The following NTM variants were observed in gnomAD, a reference collection of about 807,000 sequenced individuals.
NTM encodes IgLON family member 2.
Under a neutral mutation model 42.1 loss-of-function variants are expected in NTM, and 13 were observed. That is an observed-to-expected ratio of 0.31 (90% CI 0.20 to 0.49). The LOEUF is 0.49. Among genes scored for constraint, NTM ranks in the 20% least tolerant of loss-of-function variants. NTM has a pLI of 0.99. For missense variants in NTM, 373 were observed against 452.8 expected, an observed-to-expected ratio of 0.82 and a Z score of 1.60; for synonymous variants, 187 against 179.2, an observed-to-expected ratio of 1.04 and a Z score of -0.35.
chr11:131,968,034 A>G (rs1320931825), intron 2 of NTM, among the ~76,000 whole-genome samples: 1 of 152,172 alleles, frequency 6.6e-6, no homozygotes, highest in Non-Finnish European at 1.5e-5. Flanking sequence ...AATAACATAA[A>G]TAAATGCGAA....
At chr11:131,642,739 G>A (rs1345534156) in intron 1 of NTM, among the ~76,000 whole-genome samples, 1 of 152,154 alleles carries the variant, frequency 6.6e-6, no homozygotes, top group African/African-American at 2.4e-5. Flanking sequence ...GAAAGATGGT[G>A]TTGAGGAATC....
intron 1 of NTM, among the ~76,000 whole-genome samples, chr11:131,873,436 G>A (rs1162352146): frequency 6.6e-6 from 1 of 151,098 alleles, no homozygotes; most frequent in Non-Finnish European, 1.5e-5. Context: ...CTAGATGATG[G>A]GTTGATGGGT....
intron 1 of NTM, among the ~76,000 whole-genome samples, chr11:131,392,129 T>C (rs1214800666): frequency 6.6e-6 from 1 of 152,248 alleles, no homozygotes; most frequent in South Asian, 2.1e-4. Flanking sequence ...TCTTTTTTCC[T>C]AGTGGTCTAG....
rs138928545 is a variant in NTM at position 132,082,181 on chromosome 11, G to A, written c.168-64101G>A. Among the ~76,000 whole-genome samples, 15 of 152,118 alleles carry A rather than the reference G, an allele frequency of 9.9e-5. No homozygotes were observed. In the East Asian group the frequency reaches 2.5e-3, roughly 26 times the overall value. Reference sequence around the variant, plus strand: ...AATTGATGGTCCTGGGAATGATGCAGAATTTTCCCCCCTTTGTTCAGCTAA... The same window carrying A: ...AATTGATGGTCCTGGGAATGATGCAAAATTTTCCCCCCTTTGTTCAGCTAA... On this transcript the variant is annotated intron_variant, in intron 2 of 8. Transcript: ENST00000683400.
chr11:131,462,779 A>T lies in NTM; in HGVS notation c.82+91891A>T, dbSNP rs572719450. 3.3e-5 allele frequency among the ~76,000 whole-genome samples: 5 copies of T among 151,888 alleles called. No individual in the cohort carries two copies. In the South Asian group the frequency reaches 1.0e-3, roughly 32 times the overall value. ...ACTGCCTTCTCCCTAGAGCGGGCCC[A>T]CCTAGGGTGGTCCACCACCTTCTCC... On this transcript the variant is annotated intron_variant, in intron 1 of 8. Transcript: ENST00000683400.
At chr11:131,524,983 G>C (rs1292480933) in intron 1 of NTM, among the ~76,000 whole-genome samples, 1 of 152,126 alleles carries the variant, frequency 6.6e-6, no homozygotes, top group African/African-American at 2.4e-5. Flanking sequence ...AGGAAACCTG[G>C]TACAGGGGAT....
chr11:131,433,170 C>T (rs1183731183), intron 1 of NTM, among the ~76,000 whole-genome samples: 1 of 152,026 alleles, frequency 6.6e-6, no homozygotes, highest in Non-Finnish European at 1.5e-5. Flanking sequence ...CATTCTTAAA[C>T]CTGTCCCATC....
intron 4 of NTM, among the ~76,000 whole-genome samples, chr11:132,246,278 C>T (rs911529260): frequency 6.6e-6 from 1 of 152,208 alleles, no homozygotes; most frequent in Admixed American, 6.5e-5. Context: ...AATGCCTGTG[C>T]GCGTGCGTGT....
rs1292622549 is a variant in NTM at position 131,598,881 on chromosome 11, TTCCTTCCTTCCTTCCTTCCTTC to T, written c.82+227994_82+228015del. ...CCTTCCTTCCTTCCTTCCTTCTTCC[TTCCTTCCTTCCTTCCTTCCTTC>T]CTTCCTTCCTTCCTTCCTTCTTTCC... On this transcript the variant is annotated intron_variant, in intron 1 of 8. Transcript: ENST00000683400. Among the ~76,000 whole-genome samples the T allele has an allele frequency of 5.0e-4, 17 of 33,822 alleles. 1 individual carries two copies. Among genetic ancestry groups the T allele is most frequent in the African/African-American group, 1.4e-3 (16 of 11,594 alleles). The allele number at this position is 33,822 out of a possible 152,430, so 22.2% of individuals were successfully genotyped here. A position where few individuals can be genotyped will look rare whatever the true frequency, so the allele number is the denominator to read the frequency against.
intron 1 of NTM, among the ~76,000 whole-genome samples, chr11:131,418,351 A>T (rs558089380): frequency 5.7e-4 from 87 of 152,352 alleles, no homozygotes; most frequent in Admixed American, 9.1e-4. Context: ...CTTTATCGGC[A>T]TGTCTGCATT....
At chr11:132,026,804 T>C (rs1466987059) in intron 2 of NTM, among the ~76,000 whole-genome samples, 1 of 152,178 alleles carries the variant, frequency 6.6e-6, no homozygotes, top group African/African-American at 2.4e-5. Flanking sequence ...GGGAACGGTA[T>C]TGAGGATTGT....
intron 1 of NTM, among the ~76,000 whole-genome samples, chr11:131,602,473 C>CTTCTG (rs2060572673): frequency 6.6e-6 from 1 of 152,336 alleles, no homozygotes; most frequent in African/African-American, 2.4e-5. Flanking sequence ...ACTGGTTGTA[C>CTTCTG]TTAATATTCA....
chr11:132,276,169 G>A (rs116651628), intron 4 of NTM, among the ~76,000 whole-genome samples: 46 of 152,118 alleles, frequency 3.0e-4, no homozygotes, highest in African/African-American at 1.1e-3. Context: ...GCAGTGAAGT[G>A]ACAGATTTTA....
chr11:132,196,503 C>A (rs766633522), intron 3 of NTM, among the ~76,000 whole-genome samples: 2 of 152,046 alleles, frequency 1.3e-5, no homozygotes, highest in African/African-American at 2.4e-5. Context: ...ATGTTTATTG[C>A]GGCACTATTC....
intron 4 of NTM, among the ~76,000 whole-genome samples, chr11:132,266,637 G>C (rs2093199274): frequency 6.6e-6 from 1 of 152,194 alleles, no homozygotes; most frequent in Non-Finnish European, 1.5e-5. Flanking sequence ...ATTTGAATGA[G>C]GTTTTATTGC....
In NTM at chr11:132,106,225, A is replaced by G. The variant is rs114275792; in HGVS notation, c.168-40057A>G. ...TTATAAATGAACACATTCATATTCCAGAAATGAAAAGGGAAAGGGGAGTGA... is the reference window on the plus strand; with the variant it reads ...TTATAAATGAACACATTCATATTCCGGAAATGAAAAGGGAAAGGGGAGTGA... On this transcript the variant is annotated intron_variant, in intron 2 of 8. Transcript: ENST00000683400. Among the ~76,000 whole-genome samples the G allele has an allele frequency of 1.8e-3, 270 of 152,344 alleles. 2 individuals carry two copies. Among genetic ancestry groups the G allele is most frequent in the African/African-American group, 6.3e-3 (264 of 41,580 alleles).
At chr11:131,685,875 A>G (rs1450659834) in intron 1 of NTM, among the ~76,000 whole-genome samples, 1 of 152,202 alleles carries the variant, frequency 6.6e-6, no homozygotes, top group Non-Finnish European at 1.5e-5. Context: ...AGTTTTTAGA[A>G]TCAAGTCATG....
At chr11:132,138,226 A>G (rs1452769667) in intron 2 of NTM, among the ~76,000 whole-genome samples, 1 of 152,194 alleles carries the variant, frequency 6.6e-6, no homozygotes, top group Non-Finnish European at 1.5e-5. Flanking sequence ...CCAGAGTTCC[A>G]CATATGACAA....
At chr11:131,874,797 A>T (rs927934127) in intron 1 of NTM, among the ~76,000 whole-genome samples, 3 of 152,230 alleles carry the variant, frequency 2.0e-5, no homozygotes, top group Admixed American at 2.0e-4. Context: ...GTCTTATTCC[A>T]GCCCAGGAAA....
Sources: gnomAD v4.1 joint callset for allele counts (sites outside exome capture counted in the v4.1 genomes callset) on GRCh38, gnomAD v4.1.1 for gene constraint, MANE v1.5 for transcripts, NCBI Gene and HGNC (gene_info 2026-07-23, HGNC 2026-07-21) for gene names.